STPG2: variants seen among roughly 807,000 people sequenced by gnomAD.
The protein encoded by STPG2 is sperm-tail PG-rich repeat-containing protein 2.
Under a neutral mutation model 54.2 loss-of-function variants are expected in STPG2, and 56 were observed. The ratio of observed to expected loss-of-function variants is 1.03; its 90% CI spans 0.83 to 1.29. The LOEUF (loss-of-function observed/expected upper bound fraction) is 1.29. Among genes scored for constraint, STPG2 ranks in the 50% most tolerant of loss-of-function variants. The probability of loss-of-function intolerance (pLI) is 0.00; values close to 1 mark genes in which losing one functional copy is unlikely to be tolerated. For missense variants in STPG2, 596 were observed against 544.9 expected (o/e 1.09, Z -0.93); for synonymous variants, 200 against 181.8 (o/e 1.10, Z -0.81).
chr4:97,484,028 G>A (rs6838222), intron 4 of STPG2, among the ~76,000 whole-genome samples: 12,661 of 151,692 alleles, frequency 0.083, 763 homozygotes, highest in African/African-American at 0.17. Context: ...CAAACTGAAC[G>A]ACAATAATGA....
intron 9 of STPG2, among the ~76,000 whole-genome samples, chr4:97,755,452 T>C (rs1427914203): frequency 6.6e-6 from 1 of 152,178 alleles, no homozygotes; most frequent in Non-Finnish European, 1.5e-5. Context: ...TTACCTTTAA[T>C]TACACTCACA....
intron 10 of STPG2, among the ~76,000 whole-genome samples, chr4:97,561,003 C>T (rs1732219370): frequency 3.3e-5 from 5 of 152,142 alleles, no homozygotes; most frequent in Admixed American, 2.0e-4. Context: ...ATTTCTAGTT[C>T]TAGATCCCTG....
chr4:98,112,566 GA>G (rs1275560397), intron 3 of STPG2, among the ~76,000 whole-genome samples: 1 of 152,058 alleles, frequency 6.6e-6, no homozygotes, highest in East Asian at 1.9e-4. Context: ...ACCTCTGACA[GA>G]ACTTTAATGT....
intron 1 of STPG2, among the ~76,000 whole-genome samples, chr4:98,140,357 T>A (rs1740247578): frequency 6.6e-6 from 1 of 152,136 alleles, no homozygotes; most frequent in African/African-American, 2.4e-5. Context: ...AAGGATTTTT[T>A]TTTCACAAAT....
intron 9 of STPG2, among the ~76,000 whole-genome samples, chr4:97,750,848 T>A (rs963764912): frequency 6.6e-6 from 1 of 151,788 alleles, no homozygotes; most frequent in Admixed American, 6.6e-5. Flanking sequence ...TTAAATAAAA[T>A]AACTCATGCA....
chr4:98,030,507 T>C (rs933943232), intron 5 of STPG2, among the ~76,000 whole-genome samples: 2 of 152,134 alleles, frequency 1.3e-5, no homozygotes, highest in Admixed American at 6.6e-5. Flanking sequence ...TAAAGTACCA[T>C]TGACATTCTT....
At chr4:98,038,383 C>G (rs1260217540) in intron 5 of STPG2, among the ~76,000 whole-genome samples, 5 of 152,028 alleles carry the variant, frequency 3.3e-5, no homozygotes, top group Admixed American at 6.6e-5. Context: ...TCAGTAGAAC[C>G]AAATAGAAAT....
At chr4:98,117,860 T>C (rs1739566427) in intron 3 of STPG2, among the ~76,000 whole-genome samples, 1 of 152,132 alleles carries the variant, frequency 6.6e-6, no homozygotes, top group African/African-American at 2.4e-5. Context: ...AGACATAGTT[T>C]GCTTTATTTC....
chr4:97,897,756 G>A (rs1398081219), intron 8 of STPG2, among the ~76,000 whole-genome samples: 2 of 151,982 alleles, frequency 1.3e-5, no homozygotes, highest in Non-Finnish European at 2.9e-5. Flanking sequence ...ATGGGGTTTT[G>A]TTTTTCTCTT....
At chr4:98,024,699 A>T (rs1736357507) in intron 5 of STPG2, among the ~76,000 whole-genome samples, 3 of 152,216 alleles carry the variant, frequency 2.0e-5, no homozygotes, top group Admixed American at 2.0e-4. Flanking sequence ...CACTGATATT[A>T]TATAACATTT....
intron 5 of STPG2, among the ~76,000 whole-genome samples, chr4:98,040,583 CTA>C (rs1736921724): frequency 6.6e-6 from 1 of 151,760 alleles, no homozygotes; most frequent in Non-Finnish European, 1.5e-5. Context: ...GACCTTTTCC[CTA>C]TATATGTTTT....
intron 5 of STPG2, among the ~76,000 whole-genome samples, chr4:97,997,017 G>C (rs889759801): frequency 6.6e-6 from 1 of 152,230 alleles, no homozygotes; most frequent in African/African-American, 2.4e-5. Flanking sequence ...GCCATTGCTG[G>C]AAAGCAGTTT....
At chr4:97,506,662 G>A (rs1730851584) in intron 4 of STPG2, among the ~76,000 whole-genome samples, 1 of 151,922 alleles carries the variant, frequency 6.6e-6, no homozygotes, top group Admixed American at 6.6e-5. Context: ...AGGAACCATA[G>A]TATTCTAAAC....
intron 5 of STPG2, among the ~76,000 whole-genome samples, chr4:98,070,538 AATAAAGGGT>A (rs147752242): frequency 0.037 from 5,585 of 152,176 alleles, 164 homozygotes; most frequent in Non-Finnish European, 0.06. Context: ...AAGAGAAAGA[AATAAAGGGT>A]ATTCAAATAG....
At chr4:97,652,134 C>T (rs550730064) in intron 10 of STPG2, among the ~76,000 whole-genome samples, 1 of 151,638 alleles carries the variant, frequency 6.6e-6, no homozygotes, top group Non-Finnish European at 1.5e-5. Flanking sequence ...ATCTAAAGGC[C>T]GTGAAACATC....
intron 10 of STPG2, among the ~76,000 whole-genome samples, chr4:97,627,376 G>C (rs1448603058): frequency 6.6e-6 from 1 of 152,090 alleles, no homozygotes; most frequent in Non-Finnish European, 1.5e-5. Context: ...ATTTATTTTA[G>C]TAAAGCATTG....
intron 10 of STPG2, among the ~76,000 whole-genome samples, chr4:97,676,439 T>G (rs1043816811): frequency 5.8e-4 from 88 of 152,038 alleles, no homozygotes; most frequent in Admixed American, 7.9e-4. Flanking sequence ...TAAATTAATT[T>G]TTGCCCAAAC....
intron 8 of STPG2, among the ~76,000 whole-genome samples, chr4:97,904,022 G>T (rs1217166417): frequency 6.6e-6 from 1 of 152,206 alleles, no homozygotes; most frequent in Non-Finnish European, 1.5e-5. Context: ...GAGGCTGGGG[G>T]AGGGGCGCCC....
chr4:97,653,089 TA>T (rs1722116716), intron 10 of STPG2, among the ~76,000 whole-genome samples: 1 of 145,198 alleles, frequency 6.9e-6, no homozygotes, highest in African/African-American at 2.6e-5. Flanking sequence ...AGATGATTGA[TA>T]GATGATAGAT....
Sources: gnomAD v4.1 joint callset for allele counts (sites outside exome capture counted in the v4.1 genomes callset) on GRCh38, gnomAD v4.1.1 for gene constraint, MANE v1.5 for transcripts, NCBI Gene and HGNC (gene_info 2026-07-23, HGNC 2026-07-21) for gene names.